Variants in CACNA2D1 observed in about 807,000 individuals in gnomAD.
CACNA2D1 encodes calcium voltage-gated channel auxiliary subunit alpha2delta 1.
In CACNA2D1, 53 loss-of-function variants were observed where a neutral mutation model predicts 171.5. The observed-to-expected ratio is 0.31, with a 90% CI of 0.25 to 0.39. CACNA2D1 has a LOEUF of 0.39. CACNA2D1 is among the 10% of genes least tolerant of loss of function. CACNA2D1 has a pLI of 1.00. For missense variants in CACNA2D1, 903 were observed against 1,299.8 expected (o/e 0.69, Z 4.69); for synonymous variants, 442 against 443.1 (o/e 1.00, Z 0.03).
In CACNA2D1 at chr7:82,395,218, A is replaced by T. The variant is rs999797990; in HGVS notation, c.96-45569T>A. On this transcript the variant is annotated intron_variant, in intron 1 of 38. Coordinates refer to ENST00000356860, the MANE Select transcript of CACNA2D1 (RefSeq NM_000722.4). Reference sequence around the variant, plus strand: ...CAAATTAAAAAAAAAACACAAAAAAACTCCAACTCTGATGGAATGTATGAT... The same window carrying T: ...CAAATTAAAAAAAAAACACAAAAAATCTCCAACTCTGATGGAATGTATGAT... 1.4e-4 allele frequency among the ~76,000 whole-genome samples: 22 copies of T among 151,930 alleles called. 1 individual carries two copies. The highest frequency in any genetic ancestry group is 1.1e-3 in the Admixed American group (17 of 15,246).
At chr7:82,233,111 T>C (rs1803151769) in intron 3 of CACNA2D1, among the ~76,000 whole-genome samples, 1 of 152,218 alleles carries the variant, frequency 6.6e-6, no homozygotes, top group Non-Finnish European at 1.5e-5. Flanking sequence ...TTTCTGACTT[T>C]GGGTTAATTA....
At chr7:82,399,617 A>G (rs1041548781) in intron 1 of CACNA2D1, among the ~76,000 whole-genome samples, 1 of 152,024 alleles carries the variant, frequency 6.6e-6, no homozygotes, top group African/African-American at 2.4e-5. Context: ...TCTTGTATTT[A>G]CAGTTTTAAA....
In CACNA2D1 at chr7:82,005,846, TAAG is replaced by T. The variant is rs1799064781; in HGVS notation, c.1441-10_1441-8del. The T allele has an allele frequency of 6.3e-7, 1 of 1,579,362 alleles. No homozygotes were observed. Among genetic ancestry groups the T allele is most frequent in the African/African-American group, 1.4e-5 (1 of 73,922 alleles). Reference sequence around the variant, plus strand: ...CACCAAGAATCAGCTGGTTCTATAATAAGAGGGCAAAAAATGGCATTTTATGTC... The same window carrying T: ...CACCAAGAATCAGCTGGTTCTATAATAGGGCAAAAAATGGCATTTTATGTC... On this transcript the variant is annotated splice_region_variant and splice_polypyrimidine_tract_variant and intron_variant, in intron 16 of 38. Coordinates refer to ENST00000356860, the MANE Select transcript of CACNA2D1 (RefSeq NM_000722.4).
intron 6 of CACNA2D1, among the ~76,000 whole-genome samples, chr7:82,086,868 T>C (rs1368900892): frequency 1.3e-5 from 2 of 152,162 alleles, no homozygotes; most frequent in Admixed American, 6.5e-5. Context: ...ACTGACACAC[T>C]GATTGTGAAT....
chr7:82,212,651 A>G (rs1215747995), intron 3 of CACNA2D1, among the ~76,000 whole-genome samples: 1 of 152,218 alleles, frequency 6.6e-6, no homozygotes, highest in African/African-American at 2.4e-5. Context: ...GCAGATATGG[A>G]TGCAGTCATG....
chr7:82,114,760 GA>G (rs34240770), intron 6 of CACNA2D1, among the ~76,000 whole-genome samples: 53,091 of 103,140 alleles, frequency 0.51, 11,339 homozygotes, highest in African/African-American at 0.65. Context: ...CGTCCCAGAA[GA>G]AAAAAAAAAA....
chr7:82,167,032 AG>A (rs2129142283), intron 4 of CACNA2D1, among the ~76,000 whole-genome samples: 1 of 152,216 alleles, frequency 6.6e-6, no homozygotes, highest in Admixed American at 6.5e-5. Flanking sequence ...CTTACACTTG[AG>A]GGAAGAATCA....
intron 38 of CACNA2D1, among the ~76,000 whole-genome samples, chr7:81,953,676 T>C (rs967858616): frequency 1.3e-5 from 2 of 152,126 alleles, no homozygotes; most frequent in Non-Finnish European, 2.9e-5. Flanking sequence ...CATGGACTGG[T>C]TAGAAACACT....
At chr7:82,243,599 T>G (rs1409664897) in intron 3 of CACNA2D1, among the ~76,000 whole-genome samples, 1 of 152,144 alleles carries the variant, frequency 6.6e-6, no homozygotes, top group Non-Finnish European at 1.5e-5. Flanking sequence ...TTTTTACACA[T>G]ATTATCTCTT....
At chr7:82,035,964 C>A (rs1184796976) in intron 11 of CACNA2D1, among the ~76,000 whole-genome samples, 1 of 152,100 alleles carries the variant, frequency 6.6e-6, no homozygotes, top group Non-Finnish European at 1.5e-5. Flanking sequence ...AGCAGGGCTG[C>A]ACATCTCTGA....
chr7:82,433,121 G>A (rs535147605), intron 1 of CACNA2D1, among the ~76,000 whole-genome samples: 1 of 151,744 alleles, frequency 6.6e-6, no homozygotes, highest in Non-Finnish European at 1.5e-5. Context: ...CCGGAAGGCA[G>A]AGATTGCAGT....
intron 3 of CACNA2D1, among the ~76,000 whole-genome samples, chr7:82,317,521 A>G (rs1815269440): frequency 6.6e-6 from 1 of 152,180 alleles, no homozygotes; most frequent in Non-Finnish European, 1.5e-5. Flanking sequence ...ATACTTAAGG[A>G]GGAGCAGCTG....
intron 3 of CACNA2D1, among the ~76,000 whole-genome samples, chr7:82,196,135 A>T (rs3819434): frequency 4.6e-5 from 7 of 151,906 alleles, no homozygotes; most frequent in Admixed American, 1.3e-4. Context: ...TTTGCTTTTT[A>T]TTACATAGCT....
chr7:82,060,201 T>TTATATATATATTA (rs1554381943), intron 10 of CACNA2D1, among the ~76,000 whole-genome samples: 2 of 10,422 alleles, frequency 1.9e-4, no homozygotes, highest in Non-Finnish European at 5.2e-4. Flanking sequence ...TATATATATA[T>TTATATATATATTA]TATATATATA....
At chr7:82,197,675 G>A (rs1355928082) in intron 3 of CACNA2D1, among the ~76,000 whole-genome samples, 1 of 152,058 alleles carries the variant, frequency 6.6e-6, no homozygotes, top group Non-Finnish European at 1.5e-5. Context: ...GGACGACACA[G>A]ACAAGTTACC....
rs879134037 is a variant in CACNA2D1 at position 82,064,212 on chromosome 7, C to T, written c.779+92G>A. The stretch of plus-strand genomic sequence containing the variant: ...AATTTTTCTTTGTTTCTTTTTTAAC[C>T]TATCAAACCTTTCTTAGTCCCACCA... On this transcript the variant is annotated intron_variant, in intron 9 of 38. Transcript: ENST00000356860. 37 of 801,540 alleles carry T rather than the reference C, an allele frequency of 4.6e-5. No individual in the cohort carries two copies. The South Asian group carries it at 6.1e-4, about 13-fold the overall frequency. 49.7% of individuals were successfully genotyped at this position (801,540 alleles called of 1,614,324 possible). A position where few individuals can be genotyped will look rare whatever the true frequency, so the allele number is the denominator to read the frequency against.
intron 6 of CACNA2D1, among the ~76,000 whole-genome samples, chr7:82,104,922 G>A (rs1376827772): frequency 1.3e-5 from 2 of 151,962 alleles, no homozygotes; most frequent in African/African-American, 4.8e-5. Context: ...ATACCATCTA[G>A]ACATTAGAGG....
At chr7:82,133,282 G>T (rs1346623878) in intron 5 of CACNA2D1, among the ~76,000 whole-genome samples, 1 of 152,090 alleles carries the variant, frequency 6.6e-6, no homozygotes, top group Non-Finnish European at 1.5e-5. Flanking sequence ...TCACAGATAT[G>T]TAAACAACCT....
intron 21 of CACNA2D1, 107 bp from the exon 22 acceptor site, chr7:81,984,818 G>C: frequency 1.4e-6 from 1 of 704,832 alleles, no homozygotes; most frequent in South Asian, 1.5e-5. Flanking sequence ...CTTCCTCATG[G>C]GAAGGAAAAG....
Sources: gnomAD v4.1 joint callset for allele counts (sites outside exome capture counted in the v4.1 genomes callset) on GRCh38, gnomAD v4.1.1 for gene constraint, MANE v1.5 for transcripts, NCBI Gene and HGNC (gene_info 2026-07-23, HGNC 2026-07-21) for gene names.